The following TDRD5 variants were observed in gnomAD, a reference collection of about 807,000 sequenced individuals.
TDRD5 encodes tudor domain-containing protein 5.
In TDRD5, 41 loss-of-function variants were observed where a neutral mutation model predicts 120.6. That is an observed-to-expected ratio of 0.34 (90% CI 0.26 to 0.44). The LOEUF is 0.44. TDRD5 is among the 20% of genes least tolerant of loss of function. The pLI, the probability that TDRD5 is intolerant of heterozygous loss-of-function variation, is 1.00. For missense variants in TDRD5, 1,006 were observed against 1,221.2 expected, an observed-to-expected ratio of 0.82 and a Z score of 2.63; for synonymous variants, 430 against 433.7, an observed-to-expected ratio of 0.99 and a Z score of 0.11.
chr1:179,593,026 A>G (rs761501853), intron 2 of TDRD5, among the ~76,000 whole-genome samples, 179 bp downstream of exon 2: 21 of 152,198 alleles, frequency 1.4e-4, no homozygotes, highest in Non-Finnish European at 2.6e-4. Flanking sequence ...TGCAAAATTA[A>G]CAAACCATTC....
intron 17 of TDRD5, among the ~76,000 whole-genome samples, chr1:179,687,423 T>G (rs1226756506): frequency 2.0e-5 from 3 of 152,226 alleles, no homozygotes; most frequent in Non-Finnish European, 4.4e-5. Context: ...TGTTATAATT[T>G]CTATTCTTTT....
At chr1:179,683,614 A>G (rs1013669783) in intron 17 of TDRD5, among the ~76,000 whole-genome samples, 9 of 152,240 alleles carry the variant, frequency 5.9e-5, no homozygotes, top group Admixed American at 5.9e-4. Flanking sequence ...GATGAATAAA[A>G]TAATGGATTA....
At chr1:179,640,139 T>G in intron 10 of TDRD5, 88 bp downstream of exon 10, 1 of 1,401,158 alleles carries the variant, frequency 7.1e-7, no homozygotes, top group Non-Finnish European at 9.9e-7. Context: ...CTCTTTTCTC[T>G]TGCCTTCCTC....
At chr1:179,629,209 G>T (rs1233556201) in intron 6 of TDRD5, among the ~76,000 whole-genome samples, 3 of 152,058 alleles carry the variant, frequency 2.0e-5, no homozygotes, top group African/African-American at 4.8e-5. Context: ...GACCAATTTA[G>T]CAGATAACAA....
At chr1:179,611,808 C>A (rs972330203) in intron 4 of TDRD5, among the ~76,000 whole-genome samples, 6 of 152,134 alleles carry the variant, frequency 3.9e-5, no homozygotes, top group Non-Finnish European at 2.9e-5. Context: ...AGTTTTGCAG[C>A]TCTAATAATT....
At chr1:179,636,184 A>G (rs2102015852) in intron 9 of TDRD5, among the ~76,000 whole-genome samples, 1 of 152,276 alleles carries the variant, frequency 6.6e-6, no homozygotes, top group African/African-American at 2.4e-5. Flanking sequence ...GATTTTTCAT[A>G]TTTGCTTCTG....
intron 6 of TDRD5, among the ~76,000 whole-genome samples, chr1:179,627,530 A>G (rs950978305): frequency 2.0e-4 from 31 of 152,220 alleles, no homozygotes; most frequent in African/African-American, 7.2e-4. Context: ...ATGAATAATT[A>G]GATAATTCAA....
intron 3 of TDRD5, among the ~76,000 whole-genome samples, chr1:179,594,986 C>T (rs552053819): frequency 2.6e-4 from 40 of 152,168 alleles, no homozygotes; most frequent in African/African-American, 8.2e-4. Flanking sequence ...TGTTCATGTT[C>T]TCCATCCATG....
At chr1:179,675,883 T>C (rs1680119890) in intron 17 of TDRD5, among the ~76,000 whole-genome samples, 1 of 152,216 alleles carries the variant, frequency 6.6e-6, no homozygotes, top group Non-Finnish European at 1.5e-5. Context: ...ATCCATTTGT[T>C]GTAGGGTATA....
chr1:179,617,318 C>T (rs989074284), intron 4 of TDRD5, among the ~76,000 whole-genome samples: 9 of 152,098 alleles, frequency 5.9e-5, no homozygotes, highest in South Asian at 2.1e-4. Flanking sequence ...GCCATGTAAG[C>T]GCTGCTTGCC....
chr1:179,656,293 CTT>C (rs1413730491), intron 14 of TDRD5, among the ~76,000 whole-genome samples: 4 of 152,046 alleles, frequency 2.6e-5, no homozygotes, highest in African/African-American at 9.7e-5. Flanking sequence ...TTTTCTTACT[CTT>C]GAGTTTTGAG....
chr1:179,595,691 C>T lies in TDRD5; in HGVS notation c.704C>T (p.Ala235Val), dbSNP rs774503767. The part of the protein sequence containing the change: ...QGSYSTGFPV[A>V]KPCFSQPTSN... ...TCATACTCCACAGGCTTTCCGGTAG[C>T]AAAGCCATGCTTTTCACAACCCACT... Residue 235 changes from alanine (A) to valine (V), a missense_variant, in exon 4 of 18, where the codon GCA becomes GTA. Coordinates refer to ENST00000444136, the MANE Select transcript of TDRD5 (RefSeq NM_001199085.3). The T allele has an allele frequency of 6.2e-7, 1 of 1,613,584 alleles. No homozygotes were observed. Among genetic ancestry groups the T allele is most frequent in the Non-Finnish European group, 8.5e-7 (1 of 1,179,740 alleles).
intron 17 of TDRD5, among the ~76,000 whole-genome samples, chr1:179,684,993 T>C (rs1446443956): frequency 6.6e-6 from 1 of 151,660 alleles, no homozygotes; most frequent in Non-Finnish European, 1.5e-5. Context: ...ATTCTGTAGG[T>C]TGCCTGTTCA....
intron 14 of TDRD5, among the ~76,000 whole-genome samples, chr1:179,660,090 A>G (rs1679219160): frequency 6.8e-6 from 1 of 147,736 alleles, no homozygotes; most frequent in Admixed American, 6.7e-5. Context: ...ATATGTTTTT[A>G]TTTTAGATCT....
Position 179,651,048 on chromosome 1 carries a change from G to A in TDRD5, c.1982G>A (p.Arg661Gln), listed in dbSNP as rs545188123. 16 of 1,614,036 alleles carry A rather than the reference G, an allele frequency of 9.9e-6. No homozygotes were observed. Among genetic ancestry groups the A allele is most frequent in the African/African-American group, 8.0e-5 (6 of 75,036 alleles). Residue 661 changes from arginine to glutamine, a missense_variant, in exon 12 of 18, where the codon CGA (arginine) becomes CAA (glutamine). Arg to Gln is a conservative substitution (Grantham distance 43). Transcript: ENST00000444136. ...ACAGAGGGCCATGCTATTGTATGCC[G>A]AGAAAATATCTCTTCTAAGGTGGAG... ...LRTEGHAIVCRENISSKGFSE... is the reference protein window; with the variant it reads ...LRTEGHAIVCQENISSKGFSE...
upstream of TDRD5, chr1:179,591,673 G>A (rs1675110237): frequency 6.6e-6 from 1 of 152,408 alleles, no homozygotes; most frequent in Non-Finnish European, 1.5e-5. Flanking sequence ...AAGGCGGCCA[G>A]CCTCTGCAGC....
intron 6 of TDRD5, among the ~76,000 whole-genome samples, chr1:179,625,265 A>G (rs937220177): frequency 8.5e-5 from 13 of 152,152 alleles, no homozygotes; most frequent in Non-Finnish European, 1.3e-4. Context: ...AATGACCTGG[A>G]CAGGCAAAGC....
intron 16 of TDRD5, among the ~76,000 whole-genome samples, chr1:179,665,441 C>A (rs892705493): frequency 2.6e-5 from 4 of 152,126 alleles, no homozygotes; most frequent in Admixed American, 1.3e-4. Context: ...TAGAGTCCAT[C>A]TTTATTCTTT....
chr1:179,661,814 C>G (rs1391292109), intron 14 of TDRD5, among the ~76,000 whole-genome samples: 3 of 152,204 alleles, frequency 2.0e-5, no homozygotes, highest in African/African-American at 7.2e-5. Context: ...TTTTTCACTA[C>G]AAGCTCAGGA....
Sources: gnomAD v4.1 joint callset for allele counts (sites outside exome capture counted in the v4.1 genomes callset) on GRCh38, gnomAD v4.1.1 for gene constraint, MANE v1.5 for transcripts, NCBI Gene and HGNC (gene_info 2026-07-23, HGNC 2026-07-21) for gene names.